TTLL11: variants seen among roughly 807,000 people sequenced by gnomAD.
The protein encoded by TTLL11 is tubulin polyglutamylase TTLL11.
In TTLL11, 42 loss-of-function variants were observed where a neutral mutation model predicts 51.7. The observed-to-expected ratio is 0.81, with a 90% CI of 0.64 to 1.05. The LOEUF (loss-of-function observed/expected upper bound fraction) is 1.05, where lower values mean the gene tolerates loss of function less well. Among genes scored for constraint, TTLL11 ranks in the 50% least tolerant of loss-of-function variants. The pLI is 0.00. For missense variants in TTLL11, 799 were observed against 940.4 expected, an observed-to-expected ratio of 0.85 and a Z score of 1.97; for synonymous variants, 381 against 383.5, an observed-to-expected ratio of 0.99 and a Z score of 0.08.
intron 6 of TTLL11, among the ~76,000 whole-genome samples, chr9:121,871,928 C>T (rs893077337): frequency 3.3e-5 from 5 of 152,252 alleles, no homozygotes; most frequent in East Asian, 1.9e-4. Flanking sequence ...CCTATCCTGT[C>T]GGGATCTGGG....
At chr9:122,065,940 T>G (rs61337511) in intron 1 of TTLL11, among the ~76,000 whole-genome samples, 5,513 of 152,244 alleles carry the variant, frequency 0.036, 153 homozygotes, top group South Asian at 0.058. Context: ...AAAGTACTGA[T>G]TCTAAGCTAT....
At chr9:122,005,533 G>A (rs1843617498) in intron 3 of TTLL11, among the ~76,000 whole-genome samples, 1 of 152,164 alleles carries the variant, frequency 6.6e-6, no homozygotes, top group South Asian at 2.1e-4. Context: ...TCTTGCTGGT[G>A]CCCTCTCTGC....
At chr9:122,086,959 A>G (rs1846143338) in intron 1 of TTLL11, among the ~76,000 whole-genome samples, 1 of 152,222 alleles carries the variant, frequency 6.6e-6, no homozygotes, top group Non-Finnish European at 1.5e-5. Flanking sequence ...GATAGTGATG[A>G]TAATAGAATA....
chr9:122,012,487 A>G (rs1201919078), intron 3 of TTLL11, among the ~76,000 whole-genome samples: 3 of 152,178 alleles, frequency 2.0e-5, no homozygotes, highest in Non-Finnish European at 2.9e-5. Flanking sequence ...GATCGTATTC[A>G]TCTCAAAATT....
At chr9:121,854,702 A>G (rs1837761210) in intron 8 of TTLL11, among the ~76,000 whole-genome samples, 1 of 151,964 alleles carries the variant, frequency 6.6e-6, no homozygotes, top group African/African-American at 2.4e-5. Flanking sequence ...GTGAAATTCC[A>G]CTCTGGAAAG....
intron 1 of TTLL11, among the ~76,000 whole-genome samples, chr9:122,072,430 G>A (rs1022339801): frequency 1.3e-5 from 2 of 152,108 alleles, no homozygotes; most frequent in African/African-American, 4.8e-5. Context: ...GATCACTTGA[G>A]CTCAGGAGTT....
intron 6 of TTLL11, among the ~76,000 whole-genome samples, chr9:121,966,759 CT>C (rs1271380382): frequency 6.6e-6 from 1 of 152,202 alleles, no homozygotes; most frequent in African/African-American, 2.4e-5. Context: ...AGGTTCCAGT[CT>C]ATCTCTTACT....
intron 6 of TTLL11, among the ~76,000 whole-genome samples, chr9:121,940,971 C>G (rs75816162): frequency 3.9e-5 from 6 of 152,298 alleles, no homozygotes; most frequent in Admixed American, 1.3e-4. Flanking sequence ...AAGGCAGAAG[C>G]CGGCTATATT....
intron 1 of TTLL11, among the ~76,000 whole-genome samples, chr9:122,040,634 T>C (rs567658394): frequency 6.6e-6 from 1 of 152,284 alleles, no homozygotes; most frequent in South Asian, 2.1e-4. Flanking sequence ...CTACTTCAAG[T>C]TGAGGGGCCA....
intron 6 of TTLL11, among the ~76,000 whole-genome samples, chr9:121,923,680 C>T (rs1201810826): frequency 6.6e-6 from 1 of 152,298 alleles, no homozygotes; most frequent in East Asian, 1.9e-4. Context: ...CTCATAGAGG[C>T]TGACAGAAGT....
intron 8 of TTLL11, among the ~76,000 whole-genome samples, chr9:121,847,085 C>A (rs560054456): frequency 8.5e-5 from 13 of 152,074 alleles, no homozygotes; most frequent in African/African-American, 1.2e-4. Flanking sequence ...TGGCTGGCGC[C>A]TATAGTCCCA....
chr9:122,038,395 AG>A (rs1844758764), intron 2 of TTLL11, among the ~76,000 whole-genome samples: 1 of 152,170 alleles, frequency 6.6e-6, no homozygotes, highest in Non-Finnish European at 1.5e-5. Context: ...TTGTAATCCC[AG>A]CACTGTGGGA....
intron 6 of TTLL11, among the ~76,000 whole-genome samples, chr9:121,915,933 T>C (rs1840303493): frequency 6.6e-6 from 1 of 151,852 alleles, no homozygotes; most frequent in South Asian, 2.1e-4. Flanking sequence ...CCAGCAATTT[T>C]ATTTCTAAGG....
chr9:121,862,182 T>C (rs1318588244), intron 7 of TTLL11, among the ~76,000 whole-genome samples: 3 of 152,024 alleles, frequency 2.0e-5, no homozygotes, highest in Non-Finnish European at 4.4e-5. Context: ...CAGCTTTTTT[T>C]TTTTTTGGTC....
intron 1 of TTLL11, among the ~76,000 whole-genome samples, chr9:122,078,107 T>C (rs553832435): frequency 6.6e-6 from 1 of 151,668 alleles, no homozygotes; most frequent in South Asian, 2.1e-4. Flanking sequence ...GGCAAATTTG[T>C]AGTCTTGAGT....
intron 6 of TTLL11, among the ~76,000 whole-genome samples, chr9:121,909,949 G>A (rs1395100088): frequency 6.6e-6 from 1 of 152,170 alleles, no homozygotes; most frequent in East Asian, 1.9e-4. Context: ...GAAGGAAAGG[G>A]CACCATTTTG....
intron 2 of TTLL11, among the ~76,000 whole-genome samples, chr9:122,037,019 A>G (rs1207283349): frequency 4.6e-5 from 7 of 152,210 alleles, no homozygotes; most frequent in Admixed American, 2.0e-4. Flanking sequence ...ATATCATTCT[A>G]TCACCTTTAT....
intron 6 of TTLL11, among the ~76,000 whole-genome samples, chr9:121,898,900 G>A (rs1435197880): frequency 1.3e-5 from 2 of 152,226 alleles, no homozygotes; most frequent in East Asian, 1.9e-4. Flanking sequence ...GGAGCCATAA[G>A]CACCCTCTCC....
chr9:122,073,267 A>G (rs1845774877), intron 1 of TTLL11, among the ~76,000 whole-genome samples: 2 of 152,014 alleles, frequency 1.3e-5, no homozygotes, highest in Non-Finnish European at 2.9e-5. Context: ...AAAATTAGCC[A>G]GGCATGGTGG....
Sources: gnomAD v4.1 joint callset for allele counts (sites outside exome capture counted in the v4.1 genomes callset) on GRCh38, gnomAD v4.1.1 for gene constraint, MANE v1.5 for transcripts, NCBI Gene and HGNC (gene_info 2026-07-23, HGNC 2026-07-21) for gene names.